Variants in ZFPM2 observed in about 807,000 individuals in gnomAD.
ZFPM2 encodes the protein zinc finger protein ZFPM2.
A neutral mutation model predicts 98.6 loss-of-function variants in ZFPM2; 20 were observed. That is an observed-to-expected ratio of 0.20 (90% confidence interval 0.14 to 0.29). ZFPM2 has a LOEUF of 0.29. ZFPM2 is among the 10% of genes least tolerant of loss of function. The pLI is 1.00. For synonymous variants in ZFPM2, 518 were observed against 502.7 expected (o/e 1.03, Z -0.41); for missense variants, 1,310 against 1,388.6 (o/e 0.94, Z 0.90).
chr8:105,345,776 G>T lies in ZFPM2; in HGVS notation c.40+26795G>T, dbSNP rs1349828697. On this transcript the variant is annotated intron_variant, in intron 1 of 7. Transcript: ENST00000407775. Reference sequence around the variant, plus strand: ...CTGTAATAAGATTGTTATAATCCCAGAATGAATTGTATATTTAAGCACATA... The same window carrying T: ...CTGTAATAAGATTGTTATAATCCCATAATGAATTGTATATTTAAGCACATA... 2.0e-5 allele frequency among the ~76,000 whole-genome samples: 3 copies of T among 152,198 alleles called. No individual in the cohort carries two copies. The East Asian group carries it at 5.8e-4, about 29-fold the overall frequency.
At chr8:105,578,808 A>G (rs34155881) in intron 4 of ZFPM2, among the ~76,000 whole-genome samples, 17,263 of 152,188 alleles carry the variant, frequency 0.11, 1,254 homozygotes, top group Non-Finnish European at 0.17. Flanking sequence ...TTTTAGAATA[A>G]TGCTGTATAT....
intron 5 of ZFPM2, among the ~76,000 whole-genome samples, chr8:105,722,411 T>C (rs1342217373): frequency 6.6e-6 from 1 of 151,828 alleles, no homozygotes; most frequent in South Asian, 2.1e-4. Flanking sequence ...GGATAAGGGT[T>C]GCCAATCCCC....
At chr8:105,487,696 A>C (rs556402337) in intron 3 of ZFPM2, among the ~76,000 whole-genome samples, 7 of 152,142 alleles carry the variant, frequency 4.6e-5, no homozygotes, top group Admixed American at 4.6e-4. Context: ...TATCTGGCAC[A>C]TAATAGGAAT....
At chr8:105,707,787 T>C (rs1811297267) in intron 5 of ZFPM2, among the ~76,000 whole-genome samples, 2 of 152,228 alleles carry the variant, frequency 1.3e-5, no homozygotes, top group Admixed American at 1.3e-4. Flanking sequence ...AGTAATTCTT[T>C]ATTCCCCACA....
rs559410388 is a variant in ZFPM2 at position 105,788,725 on chromosome 8, G to A, written c.540G>A (p.Gln180=). 1 of 1,613,824 alleles carries A rather than the reference G, an allele frequency of 6.2e-7. No individual in the cohort carries two copies. Among genetic ancestry groups the A allele is most frequent in the Non-Finnish European group, 8.5e-7 (1 of 1,179,858 alleles). ...CTTTTTTCTTCTTAATAGGGGGTCA[G>A]CTTTGGTGTACAACTACGAAGGCCA... ...NNCIVYSKGG[Q]LWCTTTKAIS... The change falls in exon 6 of 8, where the codon CAG becomes CAA. Residue 180 remains glutamine, a synonymous_variant. Transcript: ENST00000407775.
intron 5 of ZFPM2, among the ~76,000 whole-genome samples, chr8:105,648,978 A>G (rs1817112476): frequency 2.0e-5 from 3 of 151,994 alleles, no homozygotes; most frequent in Non-Finnish European, 2.9e-5. Context: ...TAGTATGGCT[A>G]TTTTCACCAT....
chr8:105,793,082 G>T (rs1337948785), intron 6 of ZFPM2, among the ~76,000 whole-genome samples: 1 of 151,894 alleles, frequency 6.6e-6, no homozygotes, highest in African/African-American at 2.4e-5. Flanking sequence ...TTAGTCCATT[G>T]ACATTTAAAG....
At chr8:105,696,108 A>G (rs1811011480) in intron 5 of ZFPM2, among the ~76,000 whole-genome samples, 1 of 152,196 alleles carries the variant, frequency 6.6e-6, no homozygotes, top group Admixed American at 6.5e-5. Context: ...GTAGGCACAC[A>G]TGGATCTACC....
intron 5 of ZFPM2, among the ~76,000 whole-genome samples, chr8:105,731,498 T>G (rs769029300): frequency 4.6e-5 from 7 of 151,572 alleles, no homozygotes; most frequent in Non-Finnish European, 7.4e-5. Context: ...TACATAGAAG[T>G]TAGGGCTCAT....
At chr8:105,728,873 A>G (rs1171483459) in intron 5 of ZFPM2, among the ~76,000 whole-genome samples, 1 of 151,722 alleles carries the variant, frequency 6.6e-6, no homozygotes, top group Non-Finnish European at 1.5e-5. Context: ...AGTGTTCAAA[A>G]AGCAGCTGTG....
chr8:105,710,771 T>G (rs1476462159), intron 5 of ZFPM2, among the ~76,000 whole-genome samples: 1 of 151,530 alleles, frequency 6.6e-6, no homozygotes, highest in Non-Finnish European at 1.5e-5. Context: ...AAAGCTTAGA[T>G]TGTCCATATA....
chr8:105,644,662 A>T (rs563486191), intron 5 of ZFPM2, among the ~76,000 whole-genome samples: 1 of 152,208 alleles, frequency 6.6e-6, no homozygotes, highest in East Asian at 1.9e-4. Flanking sequence ...ATAAATATTT[A>T]TTTCTCATGA....
At chr8:105,672,343 A>G (rs1035894096) in intron 5 of ZFPM2, among the ~76,000 whole-genome samples, 87 of 151,964 alleles carry the variant, frequency 5.7e-4, no homozygotes, top group African/African-American at 2.0e-3. Context: ...TATAAATTAT[A>G]TTGGCAATTA....
At chr8:105,668,024 C>T (rs1817521622) in intron 5 of ZFPM2, among the ~76,000 whole-genome samples, 1 of 152,032 alleles carries the variant, frequency 6.6e-6, no homozygotes, top group African/African-American at 2.4e-5. Context: ...TAATGAGGCC[C>T]CGGGACCAAA....
At chr8:105,560,996 C>A (rs1237627630) in intron 3 of ZFPM2, among the ~76,000 whole-genome samples, 1 of 152,068 alleles carries the variant, frequency 6.6e-6, no homozygotes, top group African/African-American at 2.4e-5. Context: ...TGAATAAATA[C>A]AAGAATTTTA....
In ZFPM2 at chr8:105,722,627, T is replaced by TA. The variant is rs1439798472; in HGVS notation, c.533-66090dup. The stretch of plus-strand genomic sequence containing the variant: ...CAAGAAAATCATAATGAAGAGGAAA[T>TA]ACACTTGCTATTCATTTAGTGGAAG... On this transcript the variant is annotated intron_variant, in intron 5 of 7. Coordinates refer to ENST00000407775, the MANE Select transcript of ZFPM2 (RefSeq NM_012082.4). 2.0e-5 allele frequency among the ~76,000 whole-genome samples: 3 copies of TA among 151,884 alleles called. No individual in the cohort carries two copies. The East Asian group carries it at 5.9e-4, about 30-fold the overall frequency.
intron 5 of ZFPM2, among the ~76,000 whole-genome samples, chr8:105,639,066 A>G (rs1190673139): frequency 1.3e-5 from 2 of 152,184 alleles, no homozygotes; most frequent in East Asian, 3.9e-4. Context: ...CTATGGATAA[A>G]TACTAAAAAG....
At chr8:105,328,434 C>T (rs1234309648) in intron 1 of ZFPM2, among the ~76,000 whole-genome samples, 1 of 151,770 alleles carries the variant, frequency 6.6e-6, no homozygotes, top group Non-Finnish European at 1.5e-5. Context: ...TTTTACTCTT[C>T]TTGCTTTTGT....
chr8:105,519,382 C>T (rs1231111427), intron 3 of ZFPM2, among the ~76,000 whole-genome samples: 2 of 151,680 alleles, frequency 1.3e-5, no homozygotes. Context: ...TTATTATTTA[C>T]AGTTTTGAGT....
Sources: allele counts gnomAD v4.1 joint callset (sites outside exome capture counted in the v4.1 genomes callset), GRCh38; gene constraint gnomAD v4.1.1; transcripts MANE v1.5; gene names NCBI Gene and HGNC (gene_info 2026-07-23, HGNC 2026-07-21).